NBPF12: variants seen among roughly 807,000 people sequenced by gnomAD.
NBPF12 encodes the protein NBPF member 12, also known as NBPF family member NBPF12.
NBPF12 carries 115 observed loss-of-function variants against 146.4 expected under a neutral mutation model. That is an observed-to-expected ratio of 0.79 (90% CI 0.68 to 0.92). The LOEUF (loss-of-function observed/expected upper bound fraction) is 0.92. Ranked by LOEUF, NBPF12 falls within the 40% of genes least tolerant of loss-of-function variation. The pLI is 0.00. For missense variants in NBPF12, 1,205 were observed against 1,326.8 expected (o/e 0.91, Z 1.43); for synonymous variants, 385 against 508.9 (o/e 0.76, Z 3.28).
intron 1 of NBPF12, among the ~76,000 whole-genome samples, chr1:146,942,780 C>T (rs1654865401): frequency 1.4e-5 from 2 of 144,902 alleles, no homozygotes; most frequent in Non-Finnish European, 3.0e-5. Flanking sequence ...CCAGATAGAC[C>T]AGTAGATGAG....
intron 6 of NBPF12, among the ~76,000 whole-genome samples, 180 bp from the exon 10 acceptor site, chr1:146,964,177 A>G (rs1314136700): frequency 1.8e-4 from 27 of 149,570 alleles, no homozygotes; most frequent in Non-Finnish European, 3.8e-4. Context: ...TCCACATCAG[A>G]AATGCATTGC....
In NBPF12 at chr1:146,981,294, A is replaced by AATAT. The variant is rs1156779222; in HGVS notation, c.2451-1616_2451-1613dup. ...TAAAGTATTAAAAAAAAAAAAAAAA[A>AATAT]ATATATATATATATATATATACATA... On this transcript the variant is annotated intron_variant, in intron 19 of 33. Coordinates refer to ENST00000617844, the Ensembl canonical transcript of NBPF12. 9.9e-4 allele frequency among the ~76,000 whole-genome samples: 89 copies of AATAT among 90,216 alleles called. 3 individuals carry two copies. Among genetic ancestry groups the AATAT allele is most frequent in the African/African-American group, 3.3e-3 (69 of 20,850 alleles). The allele number at this position is 90,216 out of a possible 152,430, so 59.2% of individuals were successfully genotyped here.
upstream of NBPF12, among the ~76,000 whole-genome samples, chr1:146,947,322 C>T (rs1323492782): frequency 6.6e-6 from 1 of 150,422 alleles, no homozygotes; most frequent in Admixed American, 6.6e-5. Flanking sequence ...TTCCCTGTGA[C>T]CTGTGACTCC....
At chr1:146,969,778 C>A (rs1473636608) in intron 11 of NBPF12, among the ~76,000 whole-genome samples, 182 bp downstream of exon 14, 12 of 151,000 alleles carry the variant, frequency 7.9e-5, no homozygotes, top group Admixed American at 1.3e-4. Flanking sequence ...TTTGGAGGTC[C>A]CAGTATTGCA....
exon 34 of NBPF12, chr1:146,995,654 A>T (rs1289445884): frequency 1.3e-5 from 2 of 149,922 alleles, no homozygotes; most frequent in East Asian, 3.9e-4. Context: ...ATTCAGCCTA[A>T]ACTTTTTGCT....
chr1:146,964,574 G>C, intron 7 of NBPF12, 145 bp downstream of exon 10: 1 of 1,345,922 alleles, frequency 7.4e-7, no homozygotes, highest in South Asian at 1.2e-5. Context: ...TTAGACACAG[G>C]GTGCGACAGC....
intron 6 of NBPF12, 65 bp from the exon 10 acceptor site, chr1:146,964,292 T>C: frequency 6.3e-7 from 1 of 1,591,442 alleles, no homozygotes; most frequent in Non-Finnish European, 8.6e-7. Flanking sequence ...TCTGTGCACG[T>C]TGGGCTGACT....
chr1:146,976,852 C>T (rs1553887410), intron 16 of NBPF12, 77 bp from the exon 20 acceptor site: 15 of 556,338 alleles, frequency 2.7e-5, no homozygotes, highest in South Asian at 9.6e-5. Context: ...TGTTCATGTC[C>T]CTGTTGCACA....
intron 14 of NBPF12, among the ~76,000 whole-genome samples, chr1:146,973,391 C>A (rs1319915793): frequency 3.6e-4 from 55 of 151,824 alleles, no homozygotes; most frequent in Admixed American, 1.3e-3. Flanking sequence ...GTTCTAGTGA[C>A]TCTGAGGGAA....
chr1:146,980,072 C>A (rs1657270538), intron 19 of NBPF12, among the ~76,000 whole-genome samples: 1 of 148,332 alleles, frequency 6.7e-6, no homozygotes, highest in South Asian at 2.2e-4. Flanking sequence ...TATGTAGTGG[C>A]CTTCTTCGTC....
exon 9 of NBPF12, chr1:146,966,544 A>C: frequency 6.9e-7 from 1 of 1,442,506 alleles, no homozygotes; most frequent in Admixed American, 1.7e-5. Context: ...GGCAGAGATG[A>C]ACATTCTAGA....
At chr1:146,992,648 T>C (rs1658278121) in intron 31 of NBPF12, 64 bp from the exon 35 acceptor site, 7 of 771,926 alleles carry the variant, frequency 9.1e-6, no homozygotes, top group Non-Finnish European at 1.7e-5. Context: ...CCATGAAACC[T>C]AGTTGGGGCT....
chr1:146,982,962 C>G, exon 20 of NBPF12: 1 of 1,609,058 alleles, frequency 6.2e-7, no homozygotes. Context: ...GGAAGTCCCC[C>G]AGGAGTCCTG....
intron 10 of NBPF12, 113 bp from the exon 14 acceptor site, chr1:146,969,269 C>A (rs1570855495): frequency 1.1e-6 from 1 of 922,698 alleles, no homozygotes; most frequent in South Asian, 1.4e-5. Context: ...CATGTGCTGA[C>A]CTTCTGCTTG....
chr1:146,961,158 A>T (rs1376067466), intron 4 of NBPF12, among the ~76,000 whole-genome samples: 1 of 150,776 alleles, frequency 6.6e-6, no homozygotes, highest in African/African-American at 2.4e-5. Flanking sequence ...ACAAACAAAC[A>T]AAAGGATAAA....
intron 31 of NBPF12, among the ~76,000 whole-genome samples, chr1:146,992,490 G>T (rs1190350877): frequency 1.5e-5 from 2 of 136,230 alleles, no homozygotes; most frequent in Non-Finnish European, 1.6e-5. Context: ...GTGTGTGTGT[G>T]TGTGTGTGTG....
chr1:146,940,949 T>G (rs1654773542), intron 1 of NBPF12, among the ~76,000 whole-genome samples: 1 of 152,128 alleles, frequency 6.6e-6, no homozygotes, highest in Non-Finnish European at 1.5e-5. Flanking sequence ...ATTGATATGC[T>G]TTTCTGTTGA....
At chr1:146,956,108 A>G (rs1655575163) in intron 2 of NBPF12, among the ~76,000 whole-genome samples, 1 of 151,914 alleles carries the variant, frequency 6.6e-6, no homozygotes, top group Admixed American at 6.6e-5. Context: ...TTTCTTCATA[A>G]TAGCCCAAAC....
At chr1:146,984,577 CTGTGTGTGTGTGTG>C (rs1195588193) in intron 21 of NBPF12, among the ~76,000 whole-genome samples, 28,154 of 132,326 alleles carry the variant, frequency 0.21, 3,458 homozygotes, top group East Asian at 0.38. Flanking sequence ...TGAGCTCACA[CTGTGTGTGTGTGTG>C]TGTGTGTGTG....
Sources: gnomAD v4.1 joint callset for allele counts (sites outside exome capture counted in the v4.1 genomes callset) on GRCh38, gnomAD v4.1.1 for gene constraint, MANE v1.5 for transcripts, NCBI Gene and HGNC (gene_info 2026-07-23, HGNC 2026-07-21) for gene names.